Variants in HMCN1 observed in about 807,000 individuals in gnomAD.
The protein encoded by HMCN1 is hemicentin 1, also known as hemicentin-1.
A neutral mutation model predicts 625.9 loss-of-function variants in HMCN1; 321 were observed. That is an observed-to-expected ratio of 0.51 (90% CI 0.47 to 0.56). The LOEUF (loss-of-function observed/expected upper bound fraction) is 0.56, where lower values mean the gene tolerates loss of function less well. Ranked by LOEUF, HMCN1 falls within the 20% of genes least tolerant of loss-of-function variation. HMCN1 has a pLI of 0.00. For synonymous variants in HMCN1, 2,425 were observed against 2,417.6 expected, an observed-to-expected ratio of 1.00 and a Z score of -0.09; for missense variants, 6,588 against 6,887.3, an observed-to-expected ratio of 0.96 and a Z score of 1.54.
At chr1:185,882,191 T>C (rs1664351529) in intron 4 of HMCN1, among the ~76,000 whole-genome samples, 1 of 152,204 alleles carries the variant, frequency 6.6e-6, no homozygotes, top group South Asian at 2.1e-4. Flanking sequence ...CTTATGGGGC[T>C]AGCTGCATTG....
chr1:185,935,410 G>A (rs1667762345), intron 11 of HMCN1, among the ~76,000 whole-genome samples: 1 of 152,070 alleles, frequency 6.6e-6, no homozygotes, highest in Non-Finnish European at 1.5e-5. Context: ...TTCTCAAGTA[G>A]TTCCATGGAC....
intron 17 of HMCN1, 73 bp from the exon 18 acceptor site, chr1:185,982,189 G>T: frequency 7.1e-7 from 1 of 1,407,214 alleles, no homozygotes. Context: ...ACAGTCTTTG[G>T]GGCCTGTGAA....
intron 19 of HMCN1, among the ~76,000 whole-genome samples, chr1:185,986,277 G>A (rs1481570768): frequency 2.0e-5 from 3 of 152,052 alleles, no homozygotes; most frequent in East Asian, 3.9e-4. Flanking sequence ...GAGGTTTCTG[G>A]TGTCTCTAGT....
At chr1:185,990,668 T>C (rs1652364784) in intron 22 of HMCN1, among the ~76,000 whole-genome samples, 1 of 152,206 alleles carries the variant, frequency 6.6e-6, no homozygotes, top group South Asian at 2.1e-4. Context: ...AATTTTTCCC[T>C]GGTGCATTTT....
At chr1:185,818,412 A>G (rs1361735749) in intron 1 of HMCN1, among the ~76,000 whole-genome samples, 1 of 152,094 alleles carries the variant, frequency 6.6e-6, no homozygotes, top group Non-Finnish European at 1.5e-5. Context: ...GCTTCTTATC[A>G]CTATTTGTAT....
At position 186,190,034 on chromosome 1, in the gene HMCN1, A is replaced by G. The variant is rs953166455; in HGVS notation, c.*156A>G. ...GTGCCTTCCTTGGTACTTCTGAGGT[A>G]TTTTCATGATCCCACCATGGTCATA... On this transcript the variant is annotated 3_prime_UTR_variant, in exon 107 of 107. Coordinates refer to ENST00000271588, the MANE Select transcript of HMCN1 (RefSeq NM_031935.3). The G allele has an allele frequency of 3.7e-6, 3 of 814,424 alleles. No homozygotes were observed. The highest frequency in any genetic ancestry group is 6.2e-6 in the Non-Finnish European group (3 of 484,532). The allele number at this position is 814,424 out of a possible 1,614,324, so 50.4% of individuals were successfully genotyped here.
intron 49 of HMCN1, among the ~76,000 whole-genome samples, chr1:186,067,084 A>G (rs969983162): frequency 6.6e-6 from 1 of 152,192 alleles, no homozygotes; most frequent in Non-Finnish European, 1.5e-5. Context: ...ATCTTTCTAC[A>G]TTTTATATTT....
Position 186,057,184 on chromosome 1 carries a change from A to G in HMCN1, c.7145-50A>G, listed in dbSNP as rs759695013. 327 of 1,446,666 alleles carry G rather than the reference A, an allele frequency of 2.3e-4. 6 individuals carry two copies. In the South Asian group the frequency reaches 3.6e-3, roughly 16 times the overall value. The allele number at this position is 1,446,666 out of a possible 1,614,324, so 89.6% of individuals were successfully genotyped here. A position where few individuals can be genotyped will look rare whatever the true frequency, so the allele number is the denominator to read the frequency against. On this transcript the variant is annotated intron_variant, in intron 45 of 106. Transcript: ENST00000271588. The stretch of plus-strand genomic sequence containing the variant: ...ACAACATCAGGTATATCAAATGTAT[A>G]TCAGGCAACTAATATTTCCATTCCC...
chr1:185,743,471 A>G (rs1654125473), intron 1 of HMCN1, among the ~76,000 whole-genome samples: 2 of 152,260 alleles, frequency 1.3e-5, no homozygotes, highest in South Asian at 2.1e-4. Context: ...TTTGTTGGGG[A>G]TTTAAATGCA....
chr1:185,938,536 G>A (rs1667929328), intron 11 of HMCN1, among the ~76,000 whole-genome samples: 1 of 151,940 alleles, frequency 6.6e-6, no homozygotes, highest in Non-Finnish European at 1.5e-5. Context: ...AGTGAGGTCA[G>A]ATAATTCATT....
chr1:185,925,015 T>TTTTTTG (rs1558069328), intron 8 of HMCN1, 32 bp from the exon 9 acceptor site: 2 of 1,562,228 alleles, frequency 1.3e-6, no homozygotes, highest in Non-Finnish European at 1.7e-6. Context: ...CTTGCTTAAG[T>TTTTTTG]TTTTTGTTTT....
intron 4 of HMCN1, among the ~76,000 whole-genome samples, chr1:185,887,482 A>G (rs1571504349): frequency 8.1e-6 from 1 of 123,720 alleles, no homozygotes; most frequent in African/African-American, 2.9e-5. Flanking sequence ...AACAGTCCCC[A>G]GAGTGTGATT....
At chr1:186,160,218 G>A (rs1362574068) in intron 97 of HMCN1, among the ~76,000 whole-genome samples, 2 of 147,464 alleles carry the variant, frequency 1.4e-5, no homozygotes, top group African/African-American at 2.5e-5. Context: ...AGAGGTGTTT[G>A]TAGTATTCTC....
intron 15 of HMCN1, among the ~76,000 whole-genome samples, chr1:185,975,043 T>C (rs559282764): frequency 1.3e-5 from 2 of 152,314 alleles, no homozygotes; most frequent in African/African-American, 4.8e-5. Flanking sequence ...CTTCTGCATA[T>C]CTTTGTGCTG....
chr1:185,756,884 G>GT (rs1030027405), intron 1 of HMCN1, among the ~76,000 whole-genome samples: 23 of 150,992 alleles, frequency 1.5e-4, no homozygotes, highest in Middle Eastern at 6.9e-3. Flanking sequence ...GGTCTCTGCT[G>GT]TTTTTTTTCC....
chr1:186,108,866 A>G (rs1161704855), intron 71 of HMCN1, among the ~76,000 whole-genome samples: 1 of 152,204 alleles, frequency 6.6e-6, no homozygotes, highest in African/African-American at 2.4e-5. Flanking sequence ...TGTATTTCCT[A>G]GCGCCCATGC....
intron 1 of HMCN1, among the ~76,000 whole-genome samples, chr1:185,811,466 A>G (rs1445423260): frequency 6.6e-6 from 1 of 152,120 alleles, no homozygotes; most frequent in Non-Finnish European, 1.5e-5. Flanking sequence ...ATGCAGTGTC[A>G]TATGCCTGTA....
chr1:185,898,626 C>A (rs1048535331), intron 4 of HMCN1, among the ~76,000 whole-genome samples: 1 of 152,036 alleles, frequency 6.6e-6, no homozygotes, highest in Non-Finnish European at 1.5e-5. Flanking sequence ...TGCATCCAAG[C>A]AACAAATCCT....
intron 4 of HMCN1, among the ~76,000 whole-genome samples, chr1:185,890,173 T>G (rs1571509810): frequency 1.3e-5 from 2 of 150,268 alleles, no homozygotes; most frequent in Non-Finnish European, 2.9e-5. Flanking sequence ...TTATCATTTT[T>G]TATTGCGTCT....
Sources: gnomAD v4.1 joint callset for allele counts (sites outside exome capture counted in the v4.1 genomes callset) on GRCh38, gnomAD v4.1.1 for gene constraint, MANE v1.5 for transcripts, NCBI Gene and HGNC (gene_info 2026-07-23, HGNC 2026-07-21) for gene names.